PDE10A: variants seen among roughly 807,000 people sequenced by gnomAD.
PDE10A encodes the protein cAMP and cAMP-inhibited cGMP 3',5'-cyclic phosphodiesterase 10A.
In PDE10A, 39 loss-of-function variants were observed where a neutral mutation model predicts 97.7. The ratio of observed to expected loss-of-function variants is 0.40; its 90% CI spans 0.31 to 0.52. PDE10A has a LOEUF of 0.52. Among genes scored for constraint, PDE10A ranks in the 20% least tolerant of loss-of-function variants. The probability of loss-of-function intolerance (pLI) is 0.56; values close to 1 mark genes in which losing one functional copy is unlikely to be tolerated. For synonymous variants in PDE10A, 371 were observed against 376.8 expected, an observed-to-expected ratio of 0.98 and a Z score of 0.18; for missense variants, 731 against 1,047.8, an observed-to-expected ratio of 0.70 and a Z score of 4.17.
At chr6:165,718,133 G>C (rs1792073780) in intron 1 of PDE10A, 1 of 152,080 alleles carries the variant, frequency 6.6e-6, no homozygotes, top group Non-Finnish European at 1.5e-5. Context: ...TTTGTTGCCT[G>C]TGCTTTTGAT....
rs545289523 is a variant in PDE10A, at chr6:165,826,131, C to T, written c.-615+161398G>A. ...CTTCCTGCTTTTCTCCTAACCTTGT[C>T]TGTGGGATTGTATTTCTTGATCACA... On this transcript the variant is annotated intron_variant, in intron 1 of 19. Coordinates refer to the PDE10A transcript ENST00000366882. 5.3e-5 allele frequency among the ~76,000 whole-genome samples: 8 copies of T among 152,304 alleles called. No homozygotes were observed. The South Asian group carries it at 1.4e-3, about 28-fold the overall frequency.
chr6:165,793,072 C>T (rs1778701135), intron 1 of PDE10A, among the ~76,000 whole-genome samples: 1 of 152,030 alleles, frequency 6.6e-6, no homozygotes, highest in African/African-American at 2.4e-5. Context: ...TATGAAAAGA[C>T]AGAAATGAAG....
chr6:165,512,138 T>C lies in PDE10A; in HGVS notation c.995-29795A>G, dbSNP rs994019211. ...GTTTGTCATTGTGGTTTGGTGGTTT[T>C]CTGTAGGGGTTCCATTTGAGTCCTT... On this transcript the variant is annotated intron_variant, in intron 2 of 21. Coordinates refer to ENST00000539869, the MANE Select transcript of PDE10A (RefSeq NM_001385079.1). Among the ~76,000 whole-genome samples the C allele has an allele frequency of 7.9e-5, 12 of 152,034 alleles. No homozygotes were observed. The East Asian group carries it at 2.3e-3, about 29-fold the overall frequency.
chr6:165,756,972 AT>A (rs34234898), intron 1 of PDE10A, among the ~76,000 whole-genome samples: 2,959 of 146,332 alleles, frequency 0.02, 35 homozygotes, highest in African/African-American at 0.032. Flanking sequence ...TTAGGATGCT[AT>A]TTTTTTTTTT....
At chr6:165,650,761 ATTT>A (rs144321034) in intron 1 of PDE10A, among the ~76,000 whole-genome samples, 4 of 147,886 alleles carry the variant, frequency 2.7e-5, no homozygotes, top group Non-Finnish European at 3.0e-5. Flanking sequence ...GGTTACATGC[ATTT>A]TTTTTTTTTT....
intron 1 of PDE10A, among the ~76,000 whole-genome samples, chr6:165,744,193 G>A (rs1263336534): frequency 1.3e-5 from 2 of 152,152 alleles, no homozygotes; most frequent in African/African-American, 4.8e-5. Context: ...AAGGACAATT[G>A]TCTACAGAAA....
intron 18 of PDE10A, 25 bp downstream of exon 18, chr6:165,379,169 C>G (rs769584912): frequency 6.5e-7 from 1 of 1,529,206 alleles, no homozygotes; most frequent in Admixed American, 1.8e-5. Context: ...TTCTGGGCTT[C>G]TAAGCTTTTA....
At chr6:165,838,889 G>A (rs572667690) in intron 1 of PDE10A, among the ~76,000 whole-genome samples, 1 of 152,318 alleles carries the variant, frequency 6.6e-6, no homozygotes, top group South Asian at 2.1e-4. Flanking sequence ...CTCTGCCCTT[G>A]TCCATTTTCT....
At chr6:165,574,258 T>TAA (rs67675157) in intron 1 of PDE10A, among the ~76,000 whole-genome samples, 4 of 142,844 alleles carry the variant, frequency 2.8e-5, no homozygotes, top group South Asian at 2.2e-4. Flanking sequence ...TTACATTCTT[T>TAA]AAAAAAAAAA....
chr6:165,870,648 G>A (rs1167532632), intron 1 of PDE10A, among the ~76,000 whole-genome samples: 2 of 152,166 alleles, frequency 1.3e-5, no homozygotes, highest in Non-Finnish European at 2.9e-5. Context: ...AGGGATACCT[G>A]CATCCCTGTG....
At chr6:165,361,110 T>C (rs1783390878) in intron 18 of PDE10A, among the ~76,000 whole-genome samples, 1 of 152,182 alleles carries the variant, frequency 6.6e-6, no homozygotes, top group Admixed American at 6.5e-5. Context: ...GACATAATCT[T>C]ATGTGTGTAC....
intron 1 of PDE10A, among the ~76,000 whole-genome samples, chr6:165,941,597 G>A (rs529722320): frequency 2.0e-5 from 3 of 152,222 alleles, no homozygotes; most frequent in African/African-American, 7.2e-5. Context: ...GTTCTCACGA[G>A]ATTTGGTCAC....
chr6:165,942,645 C>T (rs1783569101), intron 1 of PDE10A, among the ~76,000 whole-genome samples: 1 of 152,182 alleles, frequency 6.6e-6, no homozygotes, highest in South Asian at 2.1e-4. Context: ...CAGCTTGTTC[C>T]ATTCAAATCC....
Position 165,332,295 on chromosome 6 carries a change from A to C in PDE10A, c.*730T>G, listed in dbSNP as rs998980479. 1 of 152,250 alleles carries C rather than the reference A, an allele frequency of 6.6e-6. No individual in the cohort carries two copies. The highest frequency in any genetic ancestry group is 2.4e-5 in the African/African-American group (1 of 41,466). 9.4% of individuals were successfully genotyped at this position (152,250 alleles called of 1,614,324 possible). On this transcript the variant is annotated 3_prime_UTR_variant, in exon 22 of 22. Coordinates refer to ENST00000539869, the MANE Select transcript of PDE10A (RefSeq NM_001385079.1). ...TGACATCTTTTGAACTGCTACTTGA[A>C]GTTCTGAGATTTATTGTAACATATA... is the stretch of plus-strand genomic sequence containing the variant.
intron 1 of PDE10A, among the ~76,000 whole-genome samples, chr6:165,793,950 G>GT (rs1778734062): frequency 6.6e-6 from 1 of 152,024 alleles, no homozygotes; most frequent in Non-Finnish European, 1.5e-5. Context: ...TGTAAAATAG[G>GT]TATTATGTTT....
chr6:165,502,333 T>C (rs1180708310), intron 2 of PDE10A, among the ~76,000 whole-genome samples: 1 of 152,170 alleles, frequency 6.6e-6, no homozygotes, highest in Non-Finnish European at 1.5e-5. Context: ...AGCCACAGAC[T>C]GGGAGAAAGT....
intron 1 of PDE10A, among the ~76,000 whole-genome samples, chr6:165,563,158 A>G (rs1213777491): frequency 6.7e-6 from 1 of 150,014 alleles, no homozygotes; most frequent in African/African-American, 2.5e-5. Flanking sequence ...CGAATACAGG[A>G]AAAAAAAGAA....
intron 1 of PDE10A, among the ~76,000 whole-genome samples, chr6:165,846,350 AGTTACG>A (rs1780419062): frequency 6.6e-6 from 1 of 152,236 alleles, no homozygotes; most frequent in Non-Finnish European, 1.5e-5. Flanking sequence ...GGTGCAGTGC[AGTTACG>A]GTGAGTAAAT....
At chr6:165,488,399 CTT>C in intron 2 of PDE10A, among the ~76,000 whole-genome samples, 1 of 152,234 alleles carries the variant, frequency 6.6e-6, no homozygotes. Context: ...ACAGCAAGTA[CTT>C]AATAGGATAG....
Sources: gnomAD v4.1 joint callset for allele counts (sites outside exome capture counted in the v4.1 genomes callset) on GRCh38, gnomAD v4.1.1 for gene constraint, MANE v1.5 for transcripts, NCBI Gene and HGNC (gene_info 2026-07-23, HGNC 2026-07-21) for gene names.